The following ADAM12 variants were observed in gnomAD, a reference collection of about 807,000 sequenced individuals.
The protein encoded by ADAM12 is ADAM metallopeptidase domain 12.
Under a neutral mutation model 106.4 loss-of-function variants are expected in ADAM12, and 70 were observed. That is an observed-to-expected ratio of 0.66 (90% CI 0.54 to 0.80). The LOEUF is 0.80. ADAM12 is among the 30% of genes least tolerant of loss of function. The probability of loss-of-function intolerance (pLI) is 0.00; values close to 1 mark genes in which losing one functional copy is unlikely to be tolerated. For synonymous variants in ADAM12, 420 were observed against 433.5 expected, an observed-to-expected ratio of 0.97 and a Z score of 0.39; for missense variants, 1,010 against 1,171.9, an observed-to-expected ratio of 0.86 and a Z score of 2.02.
At position 126,066,890 on chromosome 10, in the gene ADAM12, C is replaced by CA; in HGVS notation, c.1324-85dup. The CA allele has an allele frequency of 7.4e-7, 1 of 1,352,820 alleles. No individual in the cohort carries two copies. The highest frequency in any genetic ancestry group is 1.0e-6 in the Non-Finnish European group (1 of 960,932). 83.8% of individuals were successfully genotyped at this position (1,352,820 alleles called of 1,614,324 possible). On this transcript the variant is annotated intron_variant, in intron 12 of 22. Coordinates refer to ENST00000448723, the MANE Select transcript of ADAM12 (RefSeq NM_001288973.2). The surrounding 1 kb of genome is among the most constrained non-coding windows in gnomAD (Gnocchi z 5.1). Reference sequence around the variant, plus strand: ...GCAAACATCACACCTTAAATGGCTGCAAAAAGCAAGAAAGACCAAGAGGGC... The same window carrying CA: ...GCAAACATCACACCTTAAATGGCTGCAAAAAAGCAAGAAAGACCAAGAGGGC...
chr10:126,146,092 G>A (rs1455407264), intron 4 of ADAM12, among the ~76,000 whole-genome samples: 1 of 152,212 alleles, frequency 6.6e-6, no homozygotes, highest in Non-Finnish European at 1.5e-5. Flanking sequence ...AAAGACAGGT[G>A]GCTAAAACAT....
At chr10:126,114,071 T>C (rs1174514609) in intron 6 of ADAM12, among the ~76,000 whole-genome samples, 2 of 152,152 alleles carry the variant, frequency 1.3e-5, no homozygotes, top group Non-Finnish European at 2.9e-5. Flanking sequence ...ACTTTCTGCG[T>C]ATTTGTAAGT....
chr10:126,017,418 GA>G (rs1485539180), intron 22 of ADAM12, 79 bp from the exon 23 acceptor site: 1 of 1,328,658 alleles, frequency 7.5e-7, no homozygotes, highest in Non-Finnish European at 1.0e-6. Context: ...TGGGGTTGGA[GA>G]TGTATTCTGA....
Position 126,118,048 on chromosome 10 carries a change from C to G in ADAM12, c.593G>C (p.Trp198Ser). 3 of 1,614,048 alleles carry G rather than the reference C, an allele frequency of 1.9e-6. No homozygotes were observed. The highest frequency in any genetic ancestry group is 2.5e-6 in the Non-Finnish European group (3 of 1,179,966). Residue 198 changes from tryptophan to serine, a missense_variant, in exon 6 of 23, where the codon TGG becomes TCG. By Grantham distance (177) the Trp-to-Ser change is radical. Transcript: ENST00000448723. ...AGGTATCCCCCTTACCCTTCTTGCC[C>G]ATGTCTGAGAGGGTGGTGGAAACAC... ...KNVFPPPSQTWARRHKRETLK... is the reference protein window; with the variant it reads ...KNVFPPPSQTSARRHKRETLK...
At chr10:126,081,263 C>G (rs1186676868) in intron 11 of ADAM12, among the ~76,000 whole-genome samples, 1 of 152,098 alleles carries the variant, frequency 6.6e-6, no homozygotes, top group African/African-American at 2.4e-5. Flanking sequence ...GATGGAACAG[C>G]CAGGCAGCGG....
intron 3 of ADAM12, among the ~76,000 whole-genome samples, chr10:126,244,156 C>T (rs1958584635): frequency 6.6e-6 from 1 of 152,204 alleles, no homozygotes; most frequent in South Asian, 2.1e-4. Context: ...CTAAACAACT[C>T]ATCAAGTTTC....
chr10:126,232,102 T>C (rs1272480096), intron 3 of ADAM12, among the ~76,000 whole-genome samples: 1 of 152,170 alleles, frequency 6.6e-6, no homozygotes, highest in Non-Finnish European at 1.5e-5. Flanking sequence ...TTCTAATTCC[T>C]GGAACCTGTG....
chr10:126,044,704 C>G (rs1490372797), intron 17 of ADAM12, among the ~76,000 whole-genome samples: 1 of 152,186 alleles, frequency 6.6e-6, no homozygotes, highest in East Asian at 1.9e-4. Flanking sequence ...AACCACCTAC[C>G]CTCATTGCTT....
chr10:126,235,455 C>T (rs1213584165), intron 3 of ADAM12, among the ~76,000 whole-genome samples: 1 of 152,204 alleles, frequency 6.6e-6, no homozygotes, highest in Non-Finnish European at 1.5e-5. Flanking sequence ...CCGCTGGGCT[C>T]CAAGTCGGGC....
intron 3 of ADAM12, among the ~76,000 whole-genome samples, chr10:126,263,604 T>C (rs760878435): frequency 1.2e-4 from 18 of 152,252 alleles, no homozygotes; most frequent in Non-Finnish European, 2.1e-4. Flanking sequence ...TGTTAGTTTG[T>C]TGGTGGGCGG....
intron 6 of ADAM12, among the ~76,000 whole-genome samples, chr10:126,117,326 G>A (rs1377528935): frequency 6.6e-6 from 1 of 152,198 alleles, no homozygotes; most frequent in African/African-American, 2.4e-5. Flanking sequence ...CTGCAGCACA[G>A]ACTCCCTTAG....
chr10:126,328,318 T>C (rs1854379007), intron 2 of ADAM12, among the ~76,000 whole-genome samples: 1 of 152,252 alleles, frequency 6.6e-6, no homozygotes, highest in South Asian at 2.1e-4. Context: ...GTCTATATTC[T>C]GAGGCACAGC....
intron 4 of ADAM12, among the ~76,000 whole-genome samples, chr10:126,142,173 C>T (rs2133692634): frequency 1.3e-5 from 2 of 152,260 alleles, no homozygotes; most frequent in South Asian, 4.2e-4. Flanking sequence ...CCAGCTCGGT[C>T]AGGGAGACCC....
At chr10:126,054,757 A>T (rs1954591554) in intron 14 of ADAM12, among the ~76,000 whole-genome samples, 1 of 152,164 alleles carries the variant, frequency 6.6e-6, no homozygotes, top group Non-Finnish European at 1.5e-5. Context: ...GTGGAGGTGC[A>T]TCAGTGTGTA....
intron 2 of ADAM12, among the ~76,000 whole-genome samples, chr10:126,329,150 C>T (rs2133849011): frequency 6.6e-6 from 1 of 152,078 alleles, no homozygotes; most frequent in Middle Eastern, 3.4e-3. Context: ...AAAGTATGTC[C>T]CAAATATTGC....
intron 11 of ADAM12, among the ~76,000 whole-genome samples, chr10:126,081,577 T>G (rs1001300887): frequency 6.6e-6 from 1 of 152,208 alleles, no homozygotes; most frequent in African/African-American, 2.4e-5. Flanking sequence ...CAGGAGGCTC[T>G]TCTTTACCTG....
intron 3 of ADAM12, among the ~76,000 whole-genome samples, chr10:126,228,905 T>C (rs1958252963): frequency 6.6e-6 from 1 of 152,232 alleles, no homozygotes; most frequent in South Asian, 2.1e-4. Flanking sequence ...AGTAAGATTT[T>C]ATAGATTAAG....
At chr10:126,186,598 G>A (rs934193614) in intron 3 of ADAM12, among the ~76,000 whole-genome samples, 1 of 152,118 alleles carries the variant, frequency 6.6e-6, no homozygotes, top group Non-Finnish European at 1.5e-5. Context: ...AGGCCATTCT[G>A]TGTGACATTT....
intron 12 of ADAM12, chr10:126,070,699 G>A (rs572310054): frequency 1.3e-5 from 2 of 152,244 alleles, no homozygotes; most frequent in South Asian, 2.1e-4. Flanking sequence ...AGTCCCACAT[G>A]GAGGCTGCCT....
Sources: gnomAD v4.1 joint callset for allele counts (sites outside exome capture counted in the v4.1 genomes callset) on GRCh38, gnomAD v4.1.1 for gene constraint, Gnocchi (gnomAD v3.1) non-coding constraint, MANE v1.5 for transcripts, NCBI Gene and HGNC (gene_info 2026-07-23, HGNC 2026-07-21) for gene names.